Variants in RAD1 observed in about 807,000 individuals in gnomAD.
RAD1 encodes the protein cell cycle checkpoint protein RAD1.
A neutral mutation model predicts 30.0 loss-of-function variants in RAD1; 21 were observed. That is an observed-to-expected ratio of 0.70 (90% CI 0.50 to 1.01). The LOEUF (loss-of-function observed/expected upper bound fraction) is 1.01. Among genes scored for constraint, RAD1 ranks in the 50% least tolerant of loss-of-function variants. RAD1 has a pLI of 0.00. For synonymous variants in RAD1, 109 were observed against 113.6 expected (o/e 0.96, Z 0.26); for missense variants, 329 against 329.0 (o/e 1.00, Z 0.00).
intron 2 of RAD1, chr5:34,914,050 C>T (rs941232327): frequency 8.8e-6 from 4 of 455,656 alleles, no homozygotes; most frequent in Non-Finnish European, 1.8e-5. Flanking sequence ...AGAACCGTGT[C>T]TTATTTACCT....
rs1423093786 is a variant in RAD1, at chr5:34,906,235, G to C, written c.*2530C>G. 1 of 152,076 alleles carries C rather than the reference G, an allele frequency of 6.6e-6. No homozygotes were observed. The allele number at this position is 152,076 out of a possible 1,614,324, so 9.4% of individuals were successfully genotyped here. On this transcript the variant is annotated 3_prime_UTR_variant, in exon 6 of 6. Coordinates refer to ENST00000382038, the MANE Select transcript of RAD1 (RefSeq NM_002853.4). ...GCTTCCCAAAATGCTGGGATTACAGGTGTGAGCCACCACTCCCGGCCTAAA... is the reference window on the plus strand; with the variant it reads ...GCTTCCCAAAATGCTGGGATTACAGCTGTGAGCCACCACTCCCGGCCTAAA...
chr5:34,914,924 T>C lies in RAD1; in HGVS notation c.-32A>G. On this transcript the variant is annotated 5_prime_UTR_variant, in exon 2 of 6. Coordinates refer to ENST00000382038, the MANE Select transcript of RAD1 (RefSeq NM_002853.4). ...CTGCGCATTCGGCCCCGAGGGATGC[T>C]CCTGGGGCCAACAACTTCTCGGCGG... is the stretch of plus-strand genomic sequence containing the variant. 1 of 1,609,846 alleles carries C rather than the reference T, an allele frequency of 6.2e-7. No homozygotes were observed. Among genetic ancestry groups the C allele is most frequent in the Non-Finnish European group, 8.5e-7 (1 of 1,177,050 alleles).
At chr5:34,912,270 C>T (rs1257376460) in intron 3 of RAD1, among the ~76,000 whole-genome samples, 1 of 152,152 alleles carries the variant, frequency 6.6e-6, no homozygotes, top group African/African-American at 2.4e-5. Flanking sequence ...ACTTTTCCAA[C>T]TGGGAGATAT....
Position 34,914,793 on chromosome 5 carries a change from T to A in RAD1, c.100A>T (p.Ile34Phe), listed in dbSNP as rs867696975. ...VRNLSTILKA[I>F]HFREHATCFA... is the part of the protein sequence containing the mutation. ...CACGTGGCATGTTCTCGGAAATGAA[T>A]AGCTTTCAAGATAGTGGAGAGATTC... Residue 34 changes from isoleucine to phenylalanine, a missense_variant, in exon 2 of 6, where the codon ATT (isoleucine) becomes TTT (phenylalanine). By Grantham distance (21) the Ile-to-Phe change is conservative. Transcript: ENST00000382038. 1 of 1,614,240 alleles carries A rather than the reference T, an allele frequency of 6.2e-7. No individual in the cohort carries two copies. Among genetic ancestry groups the A allele is most frequent in the Non-Finnish European group, 8.5e-7 (1 of 1,180,042 alleles).
rs901606117 is a variant in RAD1, at chr5:34,915,500, G to T, written c.-154C>A. On this transcript the variant is annotated 5_prime_UTR_variant, in exon 1 of 6. Transcript: ENST00000382038. ...GAGGCGGCTCCGAGGAACCGCGGAG[G>T]AAGTGAAGCCAGTCCCGCCACTCTT... is the stretch of plus-strand genomic sequence containing the variant. 6.7e-6 allele frequency: 3 copies of T among 448,854 alleles called. No individual in the cohort carries two copies. Among genetic ancestry groups the T allele is most frequent in the African/African-American group, 2.0e-5 (1 of 49,436 alleles). 27.8% of individuals were successfully genotyped at this position (448,854 alleles called of 1,614,324 possible).
In RAD1 at chr5:34,908,663, T is replaced by C. The variant is rs1763727824; in HGVS notation, c.*102A>G. 3.6e-6 allele frequency: 4 copies of C among 1,105,476 alleles called. No homozygotes were observed. The highest frequency in any genetic ancestry group is 5.1e-5 in the Admixed American group (2 of 39,598). 68.5% of individuals were successfully genotyped at this position (1,105,476 alleles called of 1,614,324 possible). On this transcript the variant is annotated 3_prime_UTR_variant, in exon 6 of 6. Transcript: ENST00000382038. ...CTCCTATCTTCCCCATTGTGCTTCT[T>C]CTCTATAGAAAATCCAATATGAAAT...
intron 2 of RAD1, 199 bp downstream of exon 2, chr5:34,914,496 T>C (rs892525510): frequency 1.7e-6 from 1 of 595,604 alleles, no homozygotes; most frequent in East Asian, 2.9e-5. Flanking sequence ...AAGAATTTGT[T>C]ACCGGGAGAG....
intron 2 of RAD1, chr5:34,913,982 T>C (rs1360351286): frequency 2.2e-6 from 1 of 456,960 alleles, no homozygotes; most frequent in African/African-American, 2.0e-5. Flanking sequence ...AGCCTCGGTC[T>C]CCTGAGCAGC....
chr5:34,909,689 C>G (rs966877073), intron 4 of RAD1, among the ~76,000 whole-genome samples: 2 of 152,130 alleles, frequency 1.3e-5, no homozygotes, highest in Admixed American at 6.5e-5. Flanking sequence ...CATGGAAGAC[C>G]TTGATCTAAG....
Position 34,909,140 on chromosome 5 carries a change from C to G in RAD1, c.665+118G>C, listed in dbSNP as rs2069479. On this transcript the variant is annotated intron_variant, in intron 5 of 5. Transcript: ENST00000382038. Reference sequence around the variant, plus strand: ...CTAGTAAGTCCAGCACTCTACTATTCATTTTTATAAAATGCTGTGCATTTT... The same window carrying G: ...CTAGTAAGTCCAGCACTCTACTATTGATTTTTATAAAATGCTGTGCATTTT... 862 of 954,048 alleles carry G rather than the reference C, an allele frequency of 9.0e-4. 2 individuals are homozygous for G. Among genetic ancestry groups the G allele is most frequent in the Non-Finnish European group, 1.1e-3 (719 of 640,266 alleles). The allele number at this position is 954,048 out of a possible 1,614,324, so 59.1% of individuals were successfully genotyped here.
chr5:34,913,677 T>C (rs1763924808), intron 2 of RAD1, 99 bp from the exon 3 acceptor site: 3 of 686,518 alleles, frequency 4.4e-6, no homozygotes, highest in East Asian at 2.7e-5. Context: ...AATACAATAC[T>C]GTGCTAATCC....
At position 34,911,666 on chromosome 5, in the gene RAD1, C is replaced by T. The variant is rs770448447; in HGVS notation, c.454G>A (p.Val152Ile). ...GACTGCAGAATAATTTTATTAATAA[C>T]ATTGGTGCTGCAGAAATCAAAGTCC... ...TLDFDFCSTN[V>I]INKIILQSEG... is the part of the protein sequence containing the mutation. Residue 152 changes from valine (V) to isoleucine (I), a missense_variant, in exon 4 of 6, where the codon GTT becomes ATT. Physicochemically the swap from Val to Ile is conservative, Grantham distance 29. Transcript: ENST00000382038. 1.2e-5 allele frequency: 19 copies of T among 1,613,974 alleles called. No individual in the cohort carries two copies. In the African/African-American group the frequency reaches 1.3e-4, roughly 11 times the overall value.
Position 34,909,244 on chromosome 5 carries a change from T to C in RAD1, c.665+14A>G, listed in dbSNP as rs772088277. Reference sequence around the variant, plus strand: ...TCTTTATCACCAATGACAACCTCTATATTAAGAACTGACCTGTTGACTTGG... The same window carrying C: ...TCTTTATCACCAATGACAACCTCTACATTAAGAACTGACCTGTTGACTTGG... On this transcript the variant is annotated intron_variant, in intron 5 of 5. Coordinates refer to ENST00000382038, the MANE Select transcript of RAD1 (RefSeq NM_002853.4). 17 of 1,549,814 alleles carry C rather than the reference T, an allele frequency of 1.1e-5. No homozygotes were observed. The highest frequency in any genetic ancestry group is 3.5e-5 in the Admixed American group (2 of 57,940).
Position 34,911,737 on chromosome 5 carries a change from ACTC to A in RAD1, c.380_382del (p.Gly127del), listed in dbSNP as rs1763852457. 6.2e-7 allele frequency: 1 copy of A among 1,613,992 alleles called. No individual in the cohort carries two copies. The highest frequency in any genetic ancestry group is 8.5e-7 in the Non-Finnish European group (1 of 1,179,990). On this transcript the variant is annotated inframe_deletion, in exon 4 of 6. Transcript: ENST00000382038. ...TGTATTGATTTTGCAGACTGTCACCACTCCTCCTTCTTCCAGGAACAGCATCAA... is the reference window on the plus strand; with the variant it reads ...TGTATTGATTTTGCAGACTGTCACCACTCCTTCTTCCAGGAACAGCATCAA...
chr5:34,913,922 A>G, intron 2 of RAD1: 1 of 456,602 alleles, frequency 2.2e-6, no homozygotes, highest in Non-Finnish European at 4.4e-6. Flanking sequence ...TCTCACTATG[A>G]TTACCCAGGC....
chr5:34,909,372 A>T lies in RAD1; in HGVS notation c.567-16T>A. On this transcript the variant is annotated splice_polypyrimidine_tract_variant and intron_variant, in intron 4 of 5. Coordinates refer to ENST00000382038, the MANE Select transcript of RAD1 (RefSeq NM_002853.4). ...AGTAGATAACCTATAGAAAATGATT[A>T]CCTCATTTATTCATTCATCCAAAAA... 2.0e-6 allele frequency: 3 copies of T among 1,506,242 alleles called. No individual in the cohort carries two copies. The highest frequency in any genetic ancestry group is 2.8e-6 in the Non-Finnish European group (3 of 1,085,266). The allele number at this position is 1,506,242 out of a possible 1,614,324, so 93.3% of individuals were successfully genotyped here.
rs890639938 is a variant in RAD1, at chr5:34,907,663, T to C, written c.*1102A>G. 14 of 152,234 alleles carry C rather than the reference T, an allele frequency of 9.2e-5. No homozygotes were observed. The highest frequency in any genetic ancestry group is 2.6e-4 in the Admixed American group (4 of 15,280). The allele number at this position is 152,234 out of a possible 1,614,324, so 9.4% of individuals were successfully genotyped here. A position where few individuals can be genotyped will look rare whatever the true frequency, so the allele number is the denominator to read the frequency against. On this transcript the variant is annotated 3_prime_UTR_variant, in exon 6 of 6. Transcript: ENST00000382038. The stretch of plus-strand genomic sequence containing the variant: ...GCAAATGGAAAGTAGTAAGTACTGA[T>C]TGCAGTTACTTACAGCAAACAGTTT...
chr5:34,911,529 C>G, intron 4 of RAD1, 25 bp downstream of exon 4: 1 of 1,611,580 alleles, frequency 6.2e-7, no homozygotes, highest in East Asian at 2.2e-5. Flanking sequence ...ACCACATTAA[C>G]TATAACTGCA....
rs367719871 is a variant in RAD1 at position 34,913,957 on chromosome 5, C to T, written c.199-379G>A. 1.2e-4 allele frequency: 56 copies of T among 457,368 alleles called. 1 individual carries two copies. In the East Asian group the frequency reaches 1.7e-3, roughly 14 times the overall value. 28.3% of individuals were successfully genotyped at this position (457,368 alleles called of 1,614,324 possible). A position where few individuals can be genotyped will look rare whatever the true frequency, so the allele number is the denominator to read the frequency against. Reference sequence around the variant, plus strand: ...CTGGTCTTTAATGCCTGAGCTCAAGCGATCTTCGTGCTTCAGCCTCGGTCT... The same window carrying T: ...CTGGTCTTTAATGCCTGAGCTCAAGTGATCTTCGTGCTTCAGCCTCGGTCT... On this transcript the variant is annotated intron_variant, in intron 2 of 5. Transcript: ENST00000382038.
Sources: gnomAD v4.1 joint callset for allele counts (sites outside exome capture counted in the v4.1 genomes callset) on GRCh38, gnomAD v4.1.1 for gene constraint, MANE v1.5 for transcripts, NCBI Gene and HGNC (gene_info 2026-07-23, HGNC 2026-07-21) for gene names.